Variants in REXO4 observed in about 807,000 individuals in gnomAD.
REXO4 encodes REX4 homolog, 3'-5' exonuclease.
Under a neutral mutation model 39.9 loss-of-function variants are expected in REXO4, and 29 were observed. The ratio of observed to expected loss-of-function variants is 0.73; its 90% CI spans 0.54 to 0.99. REXO4 has a LOEUF of 0.99. Among genes scored for constraint, REXO4 ranks in the 50% least tolerant of loss-of-function variants. REXO4 has a pLI of 0.00. For missense variants in REXO4, 524 were observed against 546.5 expected, an observed-to-expected ratio of 0.96 and a Z score of 0.41; for synonymous variants, 184 against 206.2, an observed-to-expected ratio of 0.89 and a Z score of 0.92.
Position 133,411,601 on chromosome 9 carries a change from G to A in REXO4, c.911-528C>T, listed in dbSNP as rs1050535399. Among the ~76,000 whole-genome samples, 4 of 152,300 alleles carry A rather than the reference G, an allele frequency of 2.6e-5. No homozygotes were observed. The East Asian group carries it at 5.8e-4, about 22-fold the overall frequency. ...GGGGTGATTAGACCAAGGGTGGCCC[G>A]AGCCAAGTGGGACCAGCTAATTTTT... On this transcript the variant is annotated intron_variant, in intron 4 of 7. Transcript: ENST00000371942.
chr9:133,417,625 G>A lies in REXO4; in HGVS notation c.220C>T (p.Gln74Ter), dbSNP rs1218654733. The A allele has an allele frequency of 6.2e-6, 10 of 1,613,422 alleles. No homozygotes were observed. Among genetic ancestry groups the A allele is most frequent in the Non-Finnish European group, 8.5e-6 (10 of 1,179,864 alleles). Residue 74 changes from glutamine to a stop codon, truncating the protein, a stop_gained, in exon 1 of 8, where the codon CAA becomes TAA. Transcript: ENST00000371942. LOFTEE classifies it high-confidence loss of function. ...EDFSQNWKAL[Q>*]EWLLKQKSQA... ...CGGGCCCCCTCAAGCCTCACCTCTT[G>A]CAGCGCCTTCCAGTTTTGAGAAAAG... is the stretch of plus-strand genomic sequence containing the variant.
Position 133,417,752 on chromosome 9 carries a change from GT to G in REXO4, c.92del (p.Asn31ThrfsTer15). The G allele has an allele frequency of 1.2e-6, 2 of 1,613,430 alleles. No homozygotes were observed. The highest frequency in any genetic ancestry group is 1.7e-6 in the Non-Finnish European group (2 of 1,179,928). The stretch of plus-strand genomic sequence containing the variant: ...TTTTCCAAAACCTTTTTTTCTTCTT[GT>G]TTTTCTTCCGAGTGAGCGTCTTGAC... ...GPVKTLTRKKNKKKKRFWKSK... is the reference protein window; with the variant it reads ...GPVKTLTRKKXKKKKRFWKSK... On this transcript the variant is annotated frameshift_variant, in exon 1 of 8. Transcript: ENST00000371942. LOFTEE classifies it high-confidence loss of function.
At chr9:133,417,148 A>ACTAC (rs782250168) in intron 1 of REXO4, among the ~76,000 whole-genome samples, 37 of 152,282 alleles carry the variant, frequency 2.4e-4, no homozygotes, top group Non-Finnish European at 3.8e-4. Context: ...AGTAGCTGCG[A>ACTAC]CTACCGGCGC....
At position 133,406,942 on chromosome 9, in the gene REXO4, G is replaced by A. The variant is rs1436671973; in HGVS notation, c.*11C>T. 3.2e-5 allele frequency: 51 copies of A among 1,609,460 alleles called. No individual in the cohort carries two copies. The highest frequency in any genetic ancestry group is 1.7e-4 in the Middle Eastern group (1 of 6,024). ...CTGTAGCGGGGCGGCAGCAGCAGCA[G>A]GGCAGGACTGCTAGGCGTCGTCACT... On this transcript the variant is annotated 3_prime_UTR_variant, in exon 8 of 8. Transcript: ENST00000371942.
chr9:133,413,706 C>T (rs187456845), intron 2 of REXO4, among the ~76,000 whole-genome samples: 59 of 152,310 alleles, frequency 3.9e-4, no homozygotes, highest in African/African-American at 1.4e-3. Context: ...TTAGAAAAGC[C>T]ATTCCTGGCC....
chr9:133,414,846 A>T lies in REXO4; in HGVS notation c.391T>A (p.Ser131Thr), dbSNP rs1554781207. 6.2e-7 allele frequency: 1 copy of T among 1,614,108 alleles called. No individual in the cohort carries two copies. Among genetic ancestry groups the T allele is most frequent in the Admixed American group, 1.7e-5 (1 of 60,014 alleles). Residue 131 changes from serine to threonine, a missense_variant, in exon 2 of 8, where the codon TCT (serine) becomes ACT (threonine). By Grantham distance (58) the Ser-to-Thr change is moderately conservative (BLOSUM62 1). Coordinates refer to ENST00000371942, the MANE Select transcript of REXO4 (RefSeq NM_020385.4). Reference protein sequence around the residue: ...AGKDQEASRGSVPSGSKMDRR... With the variant: ...AGKDQEASRGTVPSGSKMDRR... ...TCCATCTTGGAACCTGAAGGAACAG[A>T]GCCCCTGCTGGCCTCCTGGTCTTTT...
Position 133,407,020 on chromosome 9 carries a change from C to T in REXO4, c.1202G>A (p.Trp401Ter), listed in dbSNP as rs782815795. The T allele has an allele frequency of 6.8e-6, 11 of 1,613,278 alleles. No individual in the cohort carries two copies. In the East Asian group the frequency reaches 1.8e-4, roughly 26 times the overall value. The stretch of plus-strand genomic sequence containing the variant: ...GCGCCTGTCTCGGGCCATGCTCTCC[C>T]ACTCCTTCTTCACCATGACGTACAG... The part of the protein sequence containing the change: ...MRLYVMVKKE[W>*]ESMARDRRPL... The change falls in exon 8 of 8, where the codon TGG becomes TAG. Residue 401 changes from tryptophan to a stop codon, truncating the protein, a stop_gained. Transcript: ENST00000371942. LOFTEE classifies it low-confidence loss of function (END_TRUNC).
Position 133,407,016 on chromosome 9 carries a change from C to T in REXO4, c.1206G>A (p.Glu402=). 6.2e-7 allele frequency: 1 copy of T among 1,613,338 alleles called. No homozygotes were observed. The highest frequency in any genetic ancestry group is 2.2e-5 in the East Asian group (1 of 44,852). The stretch of plus-strand genomic sequence containing the variant: ...GGGGGCGCCTGTCTCGGGCCATGCT[C>T]TCCCACTCCTTCTTCACCATGACGT... ...RLYVMVKKEW[E]SMARDRRPLL... Residue 402 remains glutamate (E), a synonymous_variant, in exon 8 of 8, where the codon GAG becomes GAA. Coordinates refer to ENST00000371942, the MANE Select transcript of REXO4 (RefSeq NM_020385.4).
intron 7 of REXO4, 109 bp downstream of exon 7, chr9:133,407,698 G>C: frequency 1.4e-6 from 1 of 729,420 alleles, no homozygotes; most frequent in Non-Finnish European, 2.3e-6. Flanking sequence ...CGTAGGATAA[G>C]TAGGTGCCCA....
intron 4 of REXO4, 116 bp from the exon 5 acceptor site, chr9:133,411,189 A>T: frequency 1.2e-6 from 1 of 822,578 alleles, no homozygotes; most frequent in Non-Finnish European, 2.0e-6. Context: ...TCAGGCCTGC[A>T]ATGCCACTAC....
chr9:133,406,960 T>G lies in REXO4; in HGVS notation c.1262A>C (p.Asp421Ala). 1 of 1,611,030 alleles carries G rather than the reference T, an allele frequency of 6.2e-7. No individual in the cohort carries two copies. Among genetic ancestry groups the G allele is most frequent in the South Asian group, 1.1e-5 (1 of 91,062 alleles). The stretch of plus-strand genomic sequence containing the variant: ...AGCAGCAGGGCAGGACTGCTAGGCG[T>G]CGTCACTGCAGTGGTCTGGAGCAGT... ...LLTAPDHCSD[D>A]A Residue 421 changes from aspartate (D) to alanine (A), a missense_variant, in exon 8 of 8, where the codon GAC (aspartate) becomes GCC (alanine). Physicochemically the swap from Asp to Ala is moderately radical, Grantham distance 126. Transcript: ENST00000371942.
At chr9:133,414,444 A>C in intron 2 of REXO4, 2 of 696,456 alleles carry the variant, frequency 2.9e-6, no homozygotes, top group East Asian at 5.4e-5. Context: ...ACTGGCACCC[A>C]CTAAATGCTG....
intron 2 of REXO4, among the ~76,000 whole-genome samples, chr9:133,413,627 A>T (rs1385539833): frequency 6.6e-6 from 1 of 152,188 alleles, no homozygotes; most frequent in Non-Finnish European, 1.5e-5. Flanking sequence ...CCGTACTAGG[A>T]AGCTCACACA....
intron 1 of REXO4, 84 bp downstream of exon 1, chr9:133,417,536 T>A (rs1056736849): frequency 3.8e-5 from 55 of 1,431,864 alleles, no homozygotes; most frequent in Admixed American, 1.1e-4. Flanking sequence ...TACAGGTCTT[T>A]TGGGGCTACC....
chr9:133,412,715 A>C, intron 3 of REXO4, 63 bp downstream of exon 3: 1 of 1,588,516 alleles, frequency 6.3e-7, no homozygotes, highest in South Asian at 1.1e-5. Context: ...CTCTTCCTTG[A>C]AGAAGCCCCG....
At chr9:133,408,314 C>G (rs1041338464) in intron 6 of REXO4, among the ~76,000 whole-genome samples, 15 of 152,068 alleles carry the variant, frequency 9.9e-5, no homozygotes, top group African/African-American at 3.6e-4. Context: ...AAAAAATTAG[C>G]CAGGGGTGGT....
At chr9:133,414,218 A>G (rs1839412863) in intron 2 of REXO4, 1 of 355,612 alleles carries the variant, frequency 2.8e-6, no homozygotes, top group South Asian at 2.2e-5. Context: ...CACAGGCAAC[A>G]GCCACCACAC....
chr9:133,411,093 A>C lies in REXO4; in HGVS notation c.911-20T>G, dbSNP rs1482368204. On this transcript the variant is annotated intron_variant, in intron 4 of 7. Transcript: ENST00000371942. ...CTTCTCCTGGAAAATCAACACAAAG[A>C]AGCGGTTTTTTGCAACACACACATC... 3 of 1,610,700 alleles carry C rather than the reference A, an allele frequency of 1.9e-6. No individual in the cohort carries two copies. The Admixed American group carries it at 5.0e-5, about 27-fold the overall frequency.
rs587764845 is a variant in REXO4, at chr9:133,410,353, C to T, written c.999+632G>A. Among the ~76,000 whole-genome samples the T allele has an allele frequency of 1.4e-3, 216 of 152,360 alleles. 1 individual carries two copies. The highest frequency in any genetic ancestry group is 4.9e-3 in the African/African-American group (202 of 41,584). On this transcript the variant is annotated intron_variant, in intron 5 of 7. Coordinates refer to ENST00000371942, the MANE Select transcript of REXO4 (RefSeq NM_020385.4). The stretch of plus-strand genomic sequence containing the variant: ...CACCCTGTTCTCCTGTAAATACACA[C>T]GTACTCGCTCTGCCTGACTCTTCAT...
Sources: allele counts gnomAD v4.1 joint callset (sites outside exome capture counted in the v4.1 genomes callset), GRCh38; gene constraint gnomAD v4.1.1; transcripts MANE v1.5; gene names NCBI Gene and HGNC (gene_info 2026-07-23, HGNC 2026-07-21).